The following LMBRD1 variants were observed in gnomAD, a reference collection of about 807,000 sequenced individuals.
The protein encoded by LMBRD1 is LMBR1 domain containing 1.
In LMBRD1, 64 loss-of-function variants were observed where a neutral mutation model predicts 74.8. The ratio of observed to expected loss-of-function variants is 0.86; its 90% CI spans 0.70 to 1.05. The LOEUF (loss-of-function observed/expected upper bound fraction) is 1.05, where lower values mean the gene tolerates loss of function less well. Ranked by LOEUF, LMBRD1 falls within the 50% of genes least tolerant of loss-of-function variation. The pLI, the probability that LMBRD1 is intolerant of heterozygous loss-of-function variation, is 0.00. For missense variants in LMBRD1, 652 were observed against 645.9 expected (o/e 1.01, Z -0.10); for synonymous variants, 204 against 216.3 (o/e 0.94, Z 0.50).
At chr6:69,788,203 G>A (rs1352272622) in intron 2 of LMBRD1, among the ~76,000 whole-genome samples, 2 of 152,000 alleles carry the variant, frequency 1.3e-5, no homozygotes, top group African/African-American at 2.4e-5. Context: ...AAGATGAAAT[G>A]TTTTCCCACA....
At chr6:69,764,455 A>G (rs1353255228) in intron 3 of LMBRD1, among the ~76,000 whole-genome samples, 1 of 152,198 alleles carries the variant, frequency 6.6e-6, no homozygotes, top group Non-Finnish European at 1.5e-5. Flanking sequence ...ACTATGAGAA[A>G]TACATGTTCG....
intron 3 of LMBRD1, among the ~76,000 whole-genome samples, chr6:69,767,125 G>A (rs1389559059): frequency 6.6e-6 from 1 of 151,004 alleles, no homozygotes; most frequent in Non-Finnish European, 1.5e-5. Context: ...CCCTAAGTCT[G>A]GCTAAAGATT....
chr6:69,681,857 G>A (rs1431117026), intron 14 of LMBRD1, among the ~76,000 whole-genome samples: 1 of 151,830 alleles, frequency 6.6e-6, no homozygotes, highest in African/African-American at 2.4e-5. Flanking sequence ...AAGGAGCTTG[G>A]ATTTTATTGT....
At chr6:69,738,383 T>C (rs1767020497) in intron 6 of LMBRD1, among the ~76,000 whole-genome samples, 1 of 152,114 alleles carries the variant, frequency 6.6e-6, no homozygotes, top group Admixed American at 6.5e-5. Flanking sequence ...AAATAACATT[T>C]CATAGGAAAG....
At chr6:69,698,817 C>T (rs1311524129) in intron 13 of LMBRD1, among the ~76,000 whole-genome samples, 3 of 151,140 alleles carry the variant, frequency 2.0e-5, no homozygotes, top group African/African-American at 7.3e-5. Flanking sequence ...ACCATGGGAC[C>T]CATTTAAGAA....
intron 3 of LMBRD1, among the ~76,000 whole-genome samples, chr6:69,775,001 G>A (rs1266969541): frequency 9.3e-5 from 5 of 53,704 alleles, no homozygotes; most frequent in Non-Finnish European, 1.4e-4. Flanking sequence ...GAGGGAGGGA[G>A]GGAGGGAGGG....
chr6:69,787,680 A>G (rs907328609), intron 2 of LMBRD1, among the ~76,000 whole-genome samples: 1 of 152,184 alleles, frequency 6.6e-6, no homozygotes, highest in Non-Finnish European at 1.5e-5. Flanking sequence ...CAGGAGGCGG[A>G]GGTTGCAGTG....
At chr6:69,687,161 T>G (rs1676976094) in intron 14 of LMBRD1, among the ~76,000 whole-genome samples, 1 of 152,200 alleles carries the variant, frequency 6.6e-6, no homozygotes, top group African/African-American at 2.4e-5. Context: ...TCAAGCATAC[T>G]CCTGCTGTGT....
chr6:69,747,075 A>G lies in LMBRD1; in HGVS notation c.473+2266T>C, dbSNP rs551392434. On this transcript the variant is annotated intron_variant, in intron 5 of 15. Coordinates refer to ENST00000649934, the MANE Select transcript of LMBRD1 (RefSeq NM_018368.4). ...CTCAACTCTCCAAAAAAAAAAAAAA[A>G]CAAAATCCATATGTTGAAGCCCTAA... Among the ~76,000 whole-genome samples the G allele has an allele frequency of 1.6e-3, 246 of 152,036 alleles. 1 individual carries two copies. Among genetic ancestry groups the G allele is most frequent in the Admixed American group, 4.7e-3 (72 of 15,254 alleles).
At chr6:69,782,750 G>C (rs750676843) in intron 2 of LMBRD1, among the ~76,000 whole-genome samples, 8 of 151,990 alleles carry the variant, frequency 5.3e-5, no homozygotes, top group Admixed American at 2.0e-4. Flanking sequence ...TAAAGCACCT[G>C]CACTGTGGGA....
At chr6:69,727,334 G>A (rs940834786) in intron 7 of LMBRD1, among the ~76,000 whole-genome samples, 3 of 152,024 alleles carry the variant, frequency 2.0e-5, no homozygotes, top group African/African-American at 7.2e-5. Context: ...ACGTACCCAC[G>A]AAAATTAAAA....
chr6:69,749,549 A>C, intron 4 of LMBRD1, 141 bp from the exon 5 acceptor site: 1 of 690,992 alleles, frequency 1.4e-6, no homozygotes, highest in South Asian at 1.8e-5. Context: ...ACAACCTTAA[A>C]ATTTAAAGAA....
chr6:69,793,353 T>C (rs746287002), intron 1 of LMBRD1, among the ~76,000 whole-genome samples: 33 of 152,186 alleles, frequency 2.2e-4, no homozygotes, highest in Non-Finnish European at 3.8e-4. Context: ...CTAATGAGAA[T>C]AGATGACATA....
intron 1 of LMBRD1, among the ~76,000 whole-genome samples, 165 bp downstream of exon 1, chr6:69,796,648 C>G (rs1370258051): frequency 1.3e-5 from 2 of 152,184 alleles, no homozygotes; most frequent in African/African-American, 4.8e-5. Flanking sequence ...CCCCTGCCCC[C>G]GCCGCCCGCC....
At chr6:69,732,188 T>G (rs970416137) in intron 7 of LMBRD1, among the ~76,000 whole-genome samples, 1 of 152,092 alleles carries the variant, frequency 6.6e-6, no homozygotes, top group African/African-American at 2.4e-5. Context: ...GAACTGAATG[T>G]TTGTTTTCCC....
At chr6:69,784,725 T>C (rs1438725757) in intron 2 of LMBRD1, among the ~76,000 whole-genome samples, 5 of 152,186 alleles carry the variant, frequency 3.3e-5, no homozygotes, top group African/African-American at 1.2e-4. Flanking sequence ...TGTATCCAAA[T>C]TCTAGACCTT....
In LMBRD1 at chr6:69,674,187, C is replaced by T. The variant is rs545130554; in HGVS notation, c.*1971G>A. On this transcript the variant is annotated 3_prime_UTR_variant, in exon 16 of 16. Transcript: ENST00000649934. ...ACATACACATTCTAGATGTCTCTCCCCCTTCTTATAAGAACACCAGTCATA... is the reference window on the plus strand; with the variant it reads ...ACATACACATTCTAGATGTCTCTCCTCCTTCTTATAAGAACACCAGTCATA... Among the ~76,000 whole-genome samples, 34 of 152,296 alleles carry T rather than the reference C, an allele frequency of 2.2e-4. 1 individual carries two copies. The highest frequency in any genetic ancestry group is 8.2e-4 in the African/African-American group (34 of 41,558).
chr6:69,682,689 C>A (rs529577335), intron 14 of LMBRD1, among the ~76,000 whole-genome samples: 5 of 152,034 alleles, frequency 3.3e-5, no homozygotes, highest in East Asian at 3.9e-4. Context: ...CAATTGTCTT[C>A]TATTACTTTA....
intron 7 of LMBRD1, among the ~76,000 whole-genome samples, chr6:69,731,540 T>C (rs1459902866): frequency 6.6e-6 from 1 of 152,138 alleles, no homozygotes; most frequent in African/African-American, 2.4e-5. Flanking sequence ...ACCATTCTTT[T>C]TTACTTTCAG....
Sources: allele counts gnomAD v4.1 joint callset (sites outside exome capture counted in the v4.1 genomes callset), GRCh38; gene constraint gnomAD v4.1.1; transcripts MANE v1.5; gene names NCBI Gene and HGNC (gene_info 2026-07-23, HGNC 2026-07-21).